The following SS18L1 variants were observed in gnomAD, a reference collection of about 807,000 sequenced individuals.
SS18L1 encodes the protein SS18L1 subunit of BAF chromatin remodeling complex.
A neutral mutation model predicts 70.3 loss-of-function variants in SS18L1; 32 were observed. That is an observed-to-expected ratio of 0.46 (90% CI 0.34 to 0.61). The LOEUF (loss-of-function observed/expected upper bound fraction) is 0.61, where lower values mean the gene tolerates loss of function less well. SS18L1 is among the 20% of genes least tolerant of loss of function. SS18L1 has a pLI of 0.01. For missense variants in SS18L1, 430 were observed against 542.1 expected (o/e 0.79, Z 2.05); for synonymous variants, 237 against 229.7 (o/e 1.03, Z -0.29).
intron 7 of SS18L1, among the ~76,000 whole-genome samples, 160 bp from the exon 8 acceptor site, chr20:62,165,262 C>G (rs1458295466): frequency 1.3e-5 from 2 of 152,190 alleles, no homozygotes; most frequent in Non-Finnish European, 2.9e-5. Flanking sequence ...GAGGCCGAGG[C>G]TCAGGAGGTT....
intron 1 of SS18L1, 101 bp downstream of exon 1, chr20:62,143,990 C>G: frequency 1.3e-6 from 1 of 767,128 alleles, no homozygotes; most frequent in Non-Finnish European, 1.6e-6. Flanking sequence ...GCGAACAAAG[C>G]CGGGGCGCAG....
intron 1 of SS18L1, among the ~76,000 whole-genome samples, chr20:62,145,096 G>C (rs1424268396): frequency 6.6e-6 from 1 of 152,248 alleles, no homozygotes; most frequent in African/African-American, 2.4e-5. Flanking sequence ...CTCTGAACAG[G>C]AGAGATTGAG....
chr20:62,168,060 G>A (rs1036335544), intron 8 of SS18L1, among the ~76,000 whole-genome samples: 12 of 150,028 alleles, frequency 8.0e-5, no homozygotes, highest in African/African-American at 2.0e-4. Flanking sequence ...GAACTCCTGG[G>A]CTCAAGTGCC....
chr20:62,143,955 C>T (rs1405494817), intron 1 of SS18L1, 66 bp downstream of exon 1: 14 of 939,788 alleles, frequency 1.5e-5, no homozygotes, highest in Non-Finnish European at 1.8e-5. Flanking sequence ...GGGGACGGGG[C>T]GCGGGCAGCT....
At chr20:62,163,976 A>T (rs2057380067) in intron 6 of SS18L1, among the ~76,000 whole-genome samples, 169 bp from the exon 7 acceptor site, 1 of 152,126 alleles carries the variant, frequency 6.6e-6, no homozygotes, top group South Asian at 2.1e-4. Flanking sequence ...ACATGGTGAA[A>T]CTCTGTACTA....
chr20:62,168,949 C>G (rs1268400905), intron 8 of SS18L1, among the ~76,000 whole-genome samples: 1 of 152,052 alleles, frequency 6.6e-6, no homozygotes, highest in Non-Finnish European at 1.5e-5. Context: ...GGTGTTCATG[C>G]GCAGGGCACC....
intron 6 of SS18L1, among the ~76,000 whole-genome samples, chr20:62,163,826 C>T (rs1187744821): frequency 2.0e-5 from 3 of 151,810 alleles, no homozygotes; most frequent in Admixed American, 2.0e-4. Context: ...CTGCTGTCCC[C>T]GAGGAGTCAG....
At chr20:62,164,592 C>T (rs1309052185) in intron 7 of SS18L1, among the ~76,000 whole-genome samples, 4 of 152,256 alleles carry the variant, frequency 2.6e-5, no homozygotes, top group African/African-American at 9.6e-5. Flanking sequence ...AAGAAGGCGC[C>T]TCCCAGCTTC....
At position 62,160,066 on chromosome 20, in the gene SS18L1, A is replaced by G. The variant is rs1417031177; in HGVS notation, c.231+105A>G. On this transcript the variant is annotated intron_variant, in intron 3 of 10. Transcript: ENST00000331758. ...ATCTCAGGTAGCAAAGATGACTCAG[A>G]GAAACCAAAAATACCACTAGAGCCA... The G allele has an allele frequency of 8.3e-6, 10 of 1,211,760 alleles. No homozygotes were observed. In the African/African-American group the frequency reaches 1.4e-4, roughly 17 times the overall value. 75.1% of individuals were successfully genotyped at this position (1,211,760 alleles called of 1,614,324 possible). A position where few individuals can be genotyped will look rare whatever the true frequency, so the allele number is the denominator to read the frequency against.
In SS18L1 at chr20:62,159,844, C is replaced by T. The variant is rs189017573; in HGVS notation, c.147-33C>T. 1.6e-4 allele frequency: 264 copies of T among 1,603,354 alleles called. No homozygotes were observed. The African/African-American group carries it at 2.8e-3, about 17-fold the overall frequency. ...CCACGTGGGGACTCTGTGGTCCCGTCGTCCTGCCTCATGCGTGCCCCCTCT... is the reference window on the plus strand; with the variant it reads ...CCACGTGGGGACTCTGTGGTCCCGTTGTCCTGCCTCATGCGTGCCCCCTCT... On this transcript the variant is annotated intron_variant, in intron 2 of 10. Coordinates refer to ENST00000331758, the MANE Select transcript of SS18L1 (RefSeq NM_198935.3). The surrounding 1 kb of genome is among the most constrained non-coding windows in gnomAD (Gnocchi z 4.4).
rs1300211592 is a variant in SS18L1, at chr20:62,180,408, G to C, written c.*1200G>C. On this transcript the variant is annotated 3_prime_UTR_variant, in exon 11 of 11. Coordinates refer to ENST00000331758, the MANE Select transcript of SS18L1 (RefSeq NM_198935.3). ...AAAAATCCCACATTTCAATTAACAA[G>C]TAGCATGGACATTTGATCAACCTTT... The C allele has an allele frequency of 5.4e-6, 1 of 184,714 alleles. No homozygotes were observed. The highest frequency in any genetic ancestry group is 1.1e-5 in the Non-Finnish European group (1 of 87,320). The allele number at this position is 184,714 out of a possible 1,614,324, so 11.4% of individuals were successfully genotyped here.
intron 8 of SS18L1, among the ~76,000 whole-genome samples, chr20:62,170,772 A>C (rs2057517006): frequency 6.6e-6 from 1 of 152,170 alleles, no homozygotes; most frequent in Non-Finnish European, 1.5e-5. Context: ...CTGGGGTGTG[A>C]GAGCCAGGCC....
In SS18L1 at chr20:62,180,114, A is replaced by T. The variant is rs2057685480; in HGVS notation, c.*906A>T. 4.8e-6 allele frequency: 1 copy of T among 209,840 alleles called. No individual in the cohort carries two copies. Among genetic ancestry groups the T allele is most frequent in the Admixed American group, 5.9e-5 (1 of 16,936 alleles). 13.0% of individuals were successfully genotyped at this position (209,840 alleles called of 1,614,324 possible). ...AGTTGATAGGTAATTTTAAATATTC[A>T]AACCAAATCTTCCCAACAGTTGGCA... is the stretch of plus-strand genomic sequence containing the variant. On this transcript the variant is annotated 3_prime_UTR_variant, in exon 11 of 11. Coordinates refer to ENST00000331758, the MANE Select transcript of SS18L1 (RefSeq NM_198935.3).
intron 1 of SS18L1, among the ~76,000 whole-genome samples, chr20:62,146,267 G>A (rs780209702): frequency 6.6e-6 from 1 of 152,212 alleles, no homozygotes; most frequent in Non-Finnish European, 1.5e-5. Flanking sequence ...GAGCTCCTGA[G>A]TTTGGCATGT....
At chr20:62,160,105 T>G in intron 3 of SS18L1, 144 bp downstream of exon 3, 1 of 847,726 alleles carries the variant, frequency 1.2e-6, no homozygotes, top group Non-Finnish European at 1.8e-6. Flanking sequence ...GAAATGGGAG[T>G]GTGGGCGGTG....
intron 10 of SS18L1, among the ~76,000 whole-genome samples, chr20:62,178,112 G>T (rs944709250): frequency 6.7e-6 from 1 of 148,720 alleles, no homozygotes; most frequent in Non-Finnish European, 1.5e-5. Flanking sequence ...CTCAACCTCC[G>T]GGGCATGCGC....
intron 8 of SS18L1, among the ~76,000 whole-genome samples, chr20:62,169,298 C>T (rs573964571): frequency 1.3e-5 from 2 of 152,208 alleles, no homozygotes; most frequent in African/African-American, 2.4e-5. Context: ...ACACTCACAC[C>T]GTCAGCCAAT....
chr20:62,178,685 T>C (rs2057663035), intron 10 of SS18L1, among the ~76,000 whole-genome samples: 1 of 152,220 alleles, frequency 6.6e-6, no homozygotes, highest in South Asian at 2.1e-4. Context: ...TATCTGGGAC[T>C]ATTGGCACAC....
chr20:62,149,013 G>A (rs1026426020), intron 1 of SS18L1, among the ~76,000 whole-genome samples: 1 of 152,234 alleles, frequency 6.6e-6, no homozygotes, highest in Non-Finnish European at 1.5e-5. Context: ...GCGGTCCTGC[G>A]GGTGCTCTCC....
Sources: allele counts gnomAD v4.1 joint callset (sites outside exome capture counted in the v4.1 genomes callset), GRCh38; gene constraint gnomAD v4.1.1; non-coding constraint Gnocchi (gnomAD v3.1); transcripts MANE v1.5; gene names NCBI Gene and HGNC (gene_info 2026-07-23, HGNC 2026-07-21).